The following FERMT2 variants were observed in gnomAD, a reference collection of about 807,000 sequenced individuals.
FERMT2 encodes the protein FERM domain containing kindlin 2.
Under a neutral mutation model 82.7 loss-of-function variants are expected in FERMT2, and 15 were observed. That is an observed-to-expected ratio of 0.18 (90% CI 0.12 to 0.28). The LOEUF (loss-of-function observed/expected upper bound fraction) is 0.28, where lower values mean the gene tolerates loss of function less well. FERMT2 is among the 10% of genes least tolerant of loss of function. The pLI, the probability that FERMT2 is intolerant of heterozygous loss-of-function variation, is 1.00. For missense variants in FERMT2, 645 were observed against 809.4 expected (o/e 0.80, Z 2.46); for synonymous variants, 274 against 271.5 (o/e 1.01, Z -0.09).
intron 2 of FERMT2, among the ~76,000 whole-genome samples, chr14:52,946,488 C>A (rs150481550): frequency 6.6e-6 from 1 of 151,890 alleles, no homozygotes; most frequent in African/African-American, 2.4e-5. Flanking sequence ...CCCATCTCTA[C>A]GAAAAATTTT....
intron 4 of FERMT2, among the ~76,000 whole-genome samples, chr14:52,882,400 A>G (rs1044114270): frequency 9.2e-5 from 14 of 152,202 alleles, no homozygotes; most frequent in Non-Finnish European, 1.9e-4. Context: ...GACATATAGT[A>G]GAGGTTACGT....
In FERMT2 at chr14:52,919,304, A is replaced by G. The variant is rs745461975; in HGVS notation, c.210T>C (p.Thr70=). 21 of 1,613,974 alleles carry G rather than the reference A, an allele frequency of 1.3e-5. No individual in the cohort carries two copies. Among genetic ancestry groups the G allele is most frequent in the Non-Finnish European group, 1.7e-5 (20 of 1,179,956 alleles). ...DHALWWEKKR[T]WLLKTHWTLD... is the part of the protein sequence containing the mutation. Reference sequence around the variant, plus strand: ...AGGTCCAATGTGTCTTCAGAAGCCAAGTTCTCTTCTTTTCCCACCAGAGAG... The same window carrying G: ...AGGTCCAATGTGTCTTCAGAAGCCAGGTTCTCTTCTTTTCCCACCAGAGAG... Residue 70 remains threonine, a synonymous_variant, in exon 3 of 15, where the codon ACT becomes ACC. Coordinates refer to ENST00000341590, the MANE Select transcript of FERMT2 (RefSeq NM_006832.3).
chr14:52,862,531 G>A, intron 12 of FERMT2: 1 of 152,642 alleles, frequency 6.6e-6, no homozygotes, highest in Non-Finnish European at 1.5e-5. Context: ...AGCCTGGAGT[G>A]GCAGTGCGTG....
intron 12 of FERMT2, chr14:52,860,700 T>A (rs1328569826): frequency 1.8e-6 from 1 of 563,466 alleles, no homozygotes; most frequent in Non-Finnish European, 3.1e-6. Flanking sequence ...CTATTAGGAG[T>A]ACATAGTTGC....
At chr14:52,887,647 G>T (rs369434615) in intron 4 of FERMT2, among the ~76,000 whole-genome samples, 1 of 151,936 alleles carries the variant, frequency 6.6e-6, no homozygotes, top group African/African-American at 2.4e-5. Context: ...GGGCAACACA[G>T]AGAGACCCTG....
chr14:52,873,771 TAA>T (rs1885776992), intron 9 of FERMT2: 1 of 156,940 alleles, frequency 6.4e-6, no homozygotes, highest in Non-Finnish European at 1.4e-5. Flanking sequence ...GAACTTTACA[TAA>T]AATGTTCCAT....
chr14:52,877,573 G>GTTTTTTTTTT (rs1594940282), intron 7 of FERMT2, among the ~76,000 whole-genome samples: 1 of 12,096 alleles, frequency 8.3e-5, no homozygotes, highest in East Asian at 2.4e-3. Flanking sequence ...AGCTGTTCTT[G>GTTTTTTTTTT]CTTTTTTTTT....
At chr14:52,933,761 C>G (rs1247995886) in intron 2 of FERMT2, among the ~76,000 whole-genome samples, 1 of 132,266 alleles carries the variant, frequency 7.6e-6, no homozygotes, top group Non-Finnish European at 1.6e-5. Context: ...AACCCCAAAA[C>G]TTTCCGAGTC....
At chr14:52,937,608 G>A (rs570164612) in intron 2 of FERMT2, among the ~76,000 whole-genome samples, 28 of 152,158 alleles carry the variant, frequency 1.8e-4, no homozygotes, top group Non-Finnish European at 4.0e-4. Context: ...TTACTAGCAA[G>A]CTGCTCATAT....
chr14:52,910,123 TAC>T (rs931710280), intron 3 of FERMT2, among the ~76,000 whole-genome samples: 3 of 152,214 alleles, frequency 2.0e-5, no homozygotes, highest in Non-Finnish European at 4.4e-5. Context: ...AAAGCTTTTG[TAC>T]AGAGTCCTTA....
Position 52,875,658 on chromosome 14 carries a change from C to CT in FERMT2, c.964-302dup, listed in dbSNP as rs536391034. 2.0e-3 allele frequency among the ~76,000 whole-genome samples: 294 copies of CT among 145,552 alleles called. 2 individuals carry two copies. The highest frequency in any genetic ancestry group is 0.014 in the South Asian group (62 of 4,592). On this transcript the variant is annotated intron_variant, in intron 7 of 14. Transcript: ENST00000341590. ...ACTTCACATTAACAGAGATTTTTGA[C>CT]TTTTTTTTTTTTCATTGTAATCTGC...
intron 3 of FERMT2, among the ~76,000 whole-genome samples, chr14:52,897,489 T>G (rs777586418): frequency 6.6e-6 from 1 of 152,188 alleles, no homozygotes; most frequent in South Asian, 2.1e-4. Context: ...TTCTGTAAGA[T>G]TTCTTCAAAT....
intron 2 of FERMT2, among the ~76,000 whole-genome samples, chr14:52,945,983 T>C (rs539955443): frequency 6.6e-6 from 1 of 152,280 alleles, no homozygotes; most frequent in East Asian, 1.9e-4. Flanking sequence ...TTCGAGCGAT[T>C]CTCCTGTCTC....
intron 2 of FERMT2, among the ~76,000 whole-genome samples, chr14:52,924,733 G>A (rs1180075165): frequency 1.3e-5 from 2 of 152,208 alleles, no homozygotes; most frequent in East Asian, 3.9e-4. Flanking sequence ...GAATAATAGC[G>A]ATCAATAGAT....
At chr14:52,922,603 G>A (rs189233383) in intron 2 of FERMT2, among the ~76,000 whole-genome samples, 9 of 152,294 alleles carry the variant, frequency 5.9e-5, no homozygotes, top group African/African-American at 9.6e-5. Flanking sequence ...AGACACTAAC[G>A]TGATAAGGAG....
In FERMT2 at chr14:52,860,333, C is replaced by A. The variant is rs754124470; in HGVS notation, c.1727+8G>T. 2.5e-6 allele frequency: 4 copies of A among 1,613,206 alleles called. No homozygotes were observed. In the South Asian group the frequency reaches 3.3e-5, roughly 13 times the overall value. ...AAGGTTTACACATAGATGCTTAGAA[C>A]CACTGACCTTGCAATGAAGTGAGTG... is the stretch of plus-strand genomic sequence containing the variant. On this transcript the variant is annotated splice_region_variant and intron_variant, in intron 13 of 14. Transcript: ENST00000341590.
Position 52,858,201 on chromosome 14 carries a change from TGATA to T in FERMT2, c.*172_*175del. Reference sequence around the variant, plus strand: ...AATTCAAGTTTATTATATCATAACATGATAGATTAATAGTCGTGCTTGTTTAGTG... The same window carrying T: ...AATTCAAGTTTATTATATCATAACATGATTAATAGTCGTGCTTGTTTAGTG... On this transcript the variant is annotated 3_prime_UTR_variant, in exon 15 of 15. Coordinates refer to ENST00000341590, the MANE Select transcript of FERMT2 (RefSeq NM_006832.3). The T allele has an allele frequency of 1.7e-6, 1 of 578,240 alleles. No individual in the cohort carries two copies. The highest frequency in any genetic ancestry group is 3.1e-6 in the Non-Finnish European group (1 of 326,376). The allele number at this position is 578,240 out of a possible 1,614,324, so 35.8% of individuals were successfully genotyped here.
At chr14:52,913,770 G>C (rs578259018) in intron 3 of FERMT2, among the ~76,000 whole-genome samples, 5 of 151,428 alleles carry the variant, frequency 3.3e-5, no homozygotes, top group Non-Finnish European at 5.9e-5. Context: ...CAGTGTTAGC[G>C]TAACAACCTG....
chr14:52,878,354 T>C (rs73302537), intron 7 of FERMT2, among the ~76,000 whole-genome samples: 2,476 of 152,294 alleles, frequency 0.016, 66 homozygotes, highest in African/African-American at 0.056. Flanking sequence ...ATAATTTTTT[T>C]CCTACAAAAT....
Sources: gnomAD v4.1 joint callset for allele counts (sites outside exome capture counted in the v4.1 genomes callset) on GRCh38, gnomAD v4.1.1 for gene constraint, MANE v1.5 for transcripts, NCBI Gene and HGNC (gene_info 2026-07-23, HGNC 2026-07-21) for gene names.